The following ALOX12 variants were observed in gnomAD, a reference collection of about 807,000 sequenced individuals.
ALOX12 encodes arachidonate 12-lipoxygenase, 12S type, also known as polyunsaturated fatty acid lipoxygenase ALOX12.
ALOX12 carries 62 observed loss-of-function variants against 85.5 expected under a neutral mutation model. The observed-to-expected ratio is 0.73, with a 90% CI of 0.59 to 0.90. The LOEUF is 0.90. Ranked by LOEUF, ALOX12 falls within the 40% of genes least tolerant of loss-of-function variation. ALOX12 has a pLI of 0.00. For synonymous variants in ALOX12, 299 were observed against 332.7 expected (o/e 0.90, Z 1.10); for missense variants, 751 against 856.5 (o/e 0.88, Z 1.54).
chr17:6,998,361 T>G lies in ALOX12; in HGVS notation c.338-148T>G, dbSNP rs1040658420. 1.5e-5 allele frequency: 9 copies of G among 620,322 alleles called. No homozygotes were observed. In the East Asian group the frequency reaches 2.2e-4, roughly 15 times the overall value. The allele number at this position is 620,322 out of a possible 1,614,324, so 38.4% of individuals were successfully genotyped here. A position where few individuals can be genotyped will look rare whatever the true frequency, so the allele number is the denominator to read the frequency against. ...GCAAAGATGGGATAAACGTGTCTGG[T>G]GGATAATCAAATGAGGCAAAGCCAG... On this transcript the variant is annotated intron_variant, in intron 2 of 13. Coordinates refer to ENST00000251535, the MANE Select transcript of ALOX12 (RefSeq NM_000697.3).
At chr17:6,998,140 AGTAGGT>A (rs1392145330) in intron 2 of ALOX12, among the ~76,000 whole-genome samples, 3 of 152,124 alleles carry the variant, frequency 2.0e-5, no homozygotes, top group Non-Finnish European at 4.4e-5. Context: ...TGTAGTAGAC[AGTAGGT>A]GTAGGTGTAT....
intron 8 of ALOX12, among the ~76,000 whole-genome samples, chr17:7,004,342 AAT>A (rs372238765): frequency 7.2e-3 from 42 of 5,796 alleles, no homozygotes; most frequent in Admixed American, 0.04. Flanking sequence ...TATTAAATTA[AAT>A]TTTAATATTT....
Position 7,010,696 on chromosome 17 carries a change from A to G in ALOX12, c.*273A>G. On this transcript the variant is annotated 3_prime_UTR_variant, in exon 14 of 14. Transcript: ENST00000251535. ...GAAGGCAGCCACAGACAACATGGAA[A>G]TGAGTGTGACTATGTTCCAATAAAA... is the stretch of plus-strand genomic sequence containing the variant. The G allele has an allele frequency of 5.6e-6, 2 of 358,812 alleles. No homozygotes were observed. The highest frequency in any genetic ancestry group is 7.6e-5 in the South Asian group (1 of 13,108). The allele number at this position is 358,812 out of a possible 1,614,324, so 22.2% of individuals were successfully genotyped here.
At chr17:6,997,517 C>G (rs1908505780) in intron 2 of ALOX12, among the ~76,000 whole-genome samples, 3 of 151,220 alleles carry the variant, frequency 2.0e-5, no homozygotes, top group South Asian at 2.1e-4. Context: ...CACACTGGCC[C>G]GCAGGAGACG....
intron 8 of ALOX12, 121 bp from the exon 9 acceptor site, chr17:7,005,136 G>A (rs1483376660): frequency 1.1e-6 from 1 of 884,050 alleles, no homozygotes; most frequent in South Asian, 1.4e-5. Flanking sequence ...AGAACAGCAG[G>A]AGATCAGCCT....
intron 8 of ALOX12, among the ~76,000 whole-genome samples, chr17:7,003,061 T>C (rs1204891784): frequency 6.6e-6 from 1 of 152,158 alleles, no homozygotes; most frequent in Non-Finnish European, 1.5e-5. Flanking sequence ...AATGGAATCT[T>C]GGATTTCATT....
chr17:7,003,551 A>G (rs1908816939), intron 8 of ALOX12, among the ~76,000 whole-genome samples: 1 of 152,062 alleles, frequency 6.6e-6, no homozygotes, highest in African/African-American at 2.4e-5. Context: ...CTCAGCCTTC[A>G]GAGTAGCTGG....
chr17:7,000,626 T>C lies in ALOX12; in HGVS notation c.951+147T>C. The C allele has an allele frequency of 1.1e-6, 1 of 874,584 alleles. No homozygotes were observed. Among genetic ancestry groups the C allele is most frequent in the South Asian group, 1.8e-5 (1 of 57,004 alleles). The allele number at this position is 874,584 out of a possible 1,614,324, so 54.2% of individuals were successfully genotyped here. On this transcript the variant is annotated intron_variant, in intron 7 of 13. Transcript: ENST00000251535. The surrounding 1 kb of genome is among the most constrained non-coding windows in gnomAD (Gnocchi z 4.6). Reference sequence around the variant, plus strand: ...ATGTCACTATTTGCCTGTACCCTCGTCTCCCCTGCCTCATCCAACTAGAAT... The same window carrying C: ...ATGTCACTATTTGCCTGTACCCTCGCCTCCCCTGCCTCATCCAACTAGAAT...
In ALOX12 at chr17:7,000,699, C is replaced by T. The variant is rs1368237954; in HGVS notation, c.951+220C>T. On this transcript the variant is annotated intron_variant, in intron 7 of 13. Transcript: ENST00000251535. The surrounding 1 kb of genome is among the most constrained non-coding windows in gnomAD (Gnocchi z 4.6). ...GCCTCCTGGAGTTCTCATCCTGTAT[C>T]CAATGGTCCTCACACTTCAGTGTGC... 6.6e-6 allele frequency among the ~76,000 whole-genome samples: 1 copy of T among 152,296 alleles called. No homozygotes were observed. The highest frequency in any genetic ancestry group is 1.9e-4 in the East Asian group (1 of 5,182).
At chr17:7,004,125 T>A (rs1597323077) in intron 8 of ALOX12, among the ~76,000 whole-genome samples, 1 of 134,882 alleles carries the variant, frequency 7.4e-6, no homozygotes, top group African/African-American at 2.6e-5. Context: ...TTAATTTTAA[T>A]TTTAAATAAA....
At chr17:6,999,098 C>T (rs2307217) in intron 5 of ALOX12, 42 bp downstream of exon 5, 1 of 1,575,990 alleles carries the variant, frequency 6.3e-7, no homozygotes, top group Admixed American at 1.7e-5. Flanking sequence ...TTAATGGCCC[C>T]TCTGGATGAC....
At chr17:6,998,923 T>G in intron 4 of ALOX12, 30 bp from the exon 5 acceptor site, 1 of 1,614,074 alleles carries the variant, frequency 6.2e-7, no homozygotes, top group Non-Finnish European at 8.5e-7. Context: ...AGGGATCAGC[T>G]GATGAGTTAA....
At chr17:7,007,730 A>T (rs1597326682) in intron 11 of ALOX12, among the ~76,000 whole-genome samples, 2 of 152,072 alleles carry the variant, frequency 1.3e-5, no homozygotes, top group Admixed American at 1.3e-4. Flanking sequence ...AAAATACAAA[A>T]ATTAGCCAGG....
At chr17:6,999,080 A>G in intron 5 of ALOX12, 24 bp downstream of exon 5, 1 of 1,605,568 alleles carries the variant, frequency 6.2e-7, no homozygotes, top group Non-Finnish European at 8.5e-7. Context: ...CGAGGTCTCC[A>G]TAATCCCTTA....
rs569498296 is a variant in ALOX12 at position 6,999,352 on chromosome 17, G to A, written c.693G>A (p.Gln231=). Reference sequence around the variant, plus strand: ...AGGATGATGAGTTGTTCAGCTACCAGTTCCTCAATGGTGCCAACCCCATGC... The same window carrying A: ...AGGATGATGAGTTGTTCAGCTACCAATTCCTCAATGGTGCCAACCCCATGC... ...CWQDDELFSY[Q]FLNGANPMLL... The change falls in exon 6 of 14, where the codon CAG becomes CAA. Residue 231 remains glutamine (Q), a synonymous_variant. Transcript: ENST00000251535. 3 of 1,614,116 alleles carry A rather than the reference G, an allele frequency of 1.9e-6. No homozygotes were observed. The highest frequency in any genetic ancestry group is 1.7e-6 in the Non-Finnish European group (2 of 1,180,036).
chr17:6,999,574 C>A, intron 6 of ALOX12, 108 bp downstream of exon 6: 2 of 1,160,564 alleles, frequency 1.7e-6, no homozygotes, highest in Non-Finnish European at 2.4e-6. Context: ...CTGCATTGCC[C>A]CTTGGTGCAG....
At chr17:6,996,289 GACCCCGGGCCCAGGCCCGGGC>G in intron 1 of ALOX12, 37 bp downstream of exon 1, 1 of 1,223,062 alleles carries the variant, frequency 8.2e-7, no homozygotes, top group Non-Finnish European at 1.0e-6. Context: ...GGGCAGCGGG[GACCCCGGGCCCAGGCCCGGGC>G]CGAGCTGGGC....
intron 7 of ALOX12, chr17:7,001,340 C>T (rs369438874): frequency 1.2e-5 from 6 of 511,656 alleles, no homozygotes; most frequent in African/African-American, 7.7e-5. Flanking sequence ...ACCATCTGAG[C>T]GCCGACCCCA....
intron 2 of ALOX12, among the ~76,000 whole-genome samples, 173 bp from the exon 3 acceptor site, chr17:6,998,336 G>T (rs983941582): frequency 4.6e-5 from 7 of 152,168 alleles, no homozygotes; most frequent in Non-Finnish European, 1.0e-4. Context: ...TGCAAAGTTG[G>T]CAAAGATGGG....
Sources: allele counts gnomAD v4.1 joint callset (sites outside exome capture counted in the v4.1 genomes callset), GRCh38; gene constraint gnomAD v4.1.1; non-coding constraint Gnocchi (gnomAD v3.1); transcripts MANE v1.5; gene names NCBI Gene and HGNC (gene_info 2026-07-23, HGNC 2026-07-21).